CYFIP1: variants seen among roughly 807,000 people sequenced by gnomAD.
CYFIP1 encodes cytoplasmic FMR1 interacting protein 1.
In CYFIP1, 58 loss-of-function variants were observed where a neutral mutation model predicts 163.5. The ratio of observed to expected loss-of-function variants is 0.35; its 90% CI spans 0.29 to 0.44. The LOEUF (loss-of-function observed/expected upper bound fraction) is 0.44. CYFIP1 is among the 20% of genes least tolerant of loss of function. The pLI, the probability that CYFIP1 is intolerant of heterozygous loss-of-function variation, is 1.00. For missense variants in CYFIP1, 1,338 were observed against 1,653.8 expected, an observed-to-expected ratio of 0.81 and a Z score of 3.31; for synonymous variants, 663 against 660.7, an observed-to-expected ratio of 1.00 and a Z score of -0.05.
intron 30 of CYFIP1, 108 bp from the exon 31 acceptor site, chr15:22,870,300 G>A (rs1255402001): frequency 2.5e-5 from 34 of 1,350,480 alleles, no homozygotes; most frequent in Non-Finnish European, 3.2e-5. Context: ...AATAGCAAAC[G>A]GAATTGACAC....
At chr15:22,950,728 A>C (rs7171395) in intron 1 of CYFIP1, among the ~76,000 whole-genome samples, 132,411 of 152,292 alleles carry the variant, frequency 0.87, 57,729 homozygotes, top group Admixed American at 0.92. Flanking sequence ...AGCGTGTCCA[A>C]GCTGTATGTG....
rs114067351 is a variant in CYFIP1, at chr15:22,904,022, C to T, written c.2389-117G>A. 1.0e-3 allele frequency: 927 copies of T among 929,698 alleles called. 5 individuals carry two copies. The African/African-American group carries it at 0.013, about 13-fold the overall frequency. 57.6% of individuals were successfully genotyped at this position (929,698 alleles called of 1,614,324 possible). A position where few individuals can be genotyped will look rare whatever the true frequency, so the allele number is the denominator to read the frequency against. ...CCCTGGCAGGGCTGCACGGAGGCAG[C>T]CCCCAGTGAGCGTAGGCTCTGACAG... On this transcript the variant is annotated intron_variant, in intron 21 of 30. Transcript: ENST00000617928.
rs564352081 is a variant in CYFIP1, at chr15:22,873,810, G to A, written c.3211-81C>T. ...ACATCCTCTATGTCTCTTTTCTCTT[G>A]AGACAGGGTCTTGCTCTGCTGCCTA... On this transcript the variant is annotated intron_variant, in intron 28 of 30. Transcript: ENST00000617928. 2.4e-5 allele frequency: 30 copies of A among 1,258,414 alleles called. No individual in the cohort carries two copies. In the African/African-American group the frequency reaches 3.3e-4, roughly 14 times the overall value. 78.0% of individuals were successfully genotyped at this position (1,258,414 alleles called of 1,614,324 possible). A position where few individuals can be genotyped will look rare whatever the true frequency, so the allele number is the denominator to read the frequency against.
In CYFIP1 at chr15:22,910,511, C is replaced by T. The variant is rs1391975894; in HGVS notation, c.2268+9G>A. 1 of 1,611,362 alleles carries T rather than the reference C, an allele frequency of 6.2e-7. No homozygotes were observed. Among genetic ancestry groups the T allele is most frequent in the East Asian group, 2.2e-5 (1 of 44,862 alleles). ...TCTACGTCCCCACCACAGCCCGGCC[C>T]CAGCTCACCTGCACATGCCTCTGCT... is the stretch of plus-strand genomic sequence containing the variant. On this transcript the variant is annotated intron_variant, in intron 20 of 30. Coordinates refer to ENST00000617928, the MANE Select transcript of CYFIP1 (RefSeq NM_014608.6).
rs2061036049 is a variant in CYFIP1 at position 22,917,726 on chromosome 15, C to T, written c.1674+62G>A. ...ACCCGGGCCTCACCAGCCCCACCCG[C>T]TCACAGCTCAGGGTGGGTCCCCCCA... On this transcript the variant is annotated intron_variant, in intron 15 of 30. Transcript: ENST00000617928. The surrounding 1 kb of genome is among the most constrained non-coding windows in gnomAD (Gnocchi z 4.2). 1.3e-6 allele frequency: 2 copies of T among 1,510,902 alleles called. No homozygotes were observed. Among genetic ancestry groups the T allele is most frequent in the Non-Finnish European group, 1.8e-6 (2 of 1,131,202 alleles). 93.6% of individuals were successfully genotyped at this position (1,510,902 alleles called of 1,614,324 possible).
chr15:22,933,675 T>C, intron 10 of CYFIP1, 127 bp downstream of exon 10: 1 of 694,852 alleles, frequency 1.4e-6, no homozygotes, highest in Middle Eastern at 2.5e-4. Context: ...GCTGCAATAC[T>C]GGACATTTAA....
In CYFIP1 at chr15:22,873,603, G is replaced by C. The variant is rs764841743; in HGVS notation, c.3337C>G (p.Leu1113Val). The change falls in exon 29 of 31, where the codon CTG becomes GTG. Residue 1113 changes from leucine to valine, a missense_variant. By Grantham distance (32) the Leu-to-Val change is conservative (BLOSUM62 1). Around this residue, in one of 4 missense-constraint regions of CYFIP1, gnomAD observed 306 missense variants for 322.1 expected, o/e 0.95. Transcript: ENST00000617928. ...FLDDPIWRGP[L>V]PSNGVMHVDE... ...ACATGCATGACCCCATTGCTGGGCAGAGGCCCGCGCCAGATGGGGTCATCC... is the reference window on the plus strand; with the variant it reads ...ACATGCATGACCCCATTGCTGGGCACAGGCCCGCGCCAGATGGGGTCATCC... 6.2e-7 allele frequency: 1 copy of C among 1,614,130 alleles called. No individual in the cohort carries two copies. The highest frequency in any genetic ancestry group is 8.5e-7 in the Non-Finnish European group (1 of 1,180,050).
At chr15:22,980,129 C>A (rs1204792236) in intron 1 of CYFIP1, among the ~76,000 whole-genome samples, 158 bp downstream of exon 1, 1 of 126,348 alleles carries the variant, frequency 7.9e-6, no homozygotes, top group Non-Finnish European at 1.6e-5. Context: ...CCAGGACGAT[C>A]CCGGAGGCCG....
chr15:22,916,786 G>C, intron 15 of CYFIP1, 156 bp from the exon 16 acceptor site: 1 of 1,588,274 alleles, frequency 6.3e-7, no homozygotes, highest in Non-Finnish European at 8.6e-7. Flanking sequence ...GCCTGTCTAC[G>C]CGGCCACGTT....
chr15:22,904,774 G>A (rs17137192), intron 21 of CYFIP1: 23,654 of 152,002 alleles, frequency 0.16, 2,010 homozygotes, highest in African/African-American at 0.21. Context: ...AATTACGCTC[G>A]TAGAAAAAGG....
chr15:22,887,887 C>T (rs1262575764), intron 23 of CYFIP1, among the ~76,000 whole-genome samples: 1 of 152,164 alleles, frequency 6.6e-6, no homozygotes, highest in Non-Finnish European at 1.5e-5. Context: ...AGTCTCCAGC[C>T]TTGTTCGACA....
intron 9 of CYFIP1, among the ~76,000 whole-genome samples, chr15:22,935,415 G>C (rs566947159): frequency 8.3e-4 from 127 of 152,324 alleles, no homozygotes; most frequent in Non-Finnish European, 1.6e-3. Flanking sequence ...ACCACGCGCA[G>C]AAGTCAGTTC....
rs1299979500 is a variant in CYFIP1 at position 22,867,107 on chromosome 15, A to G, written c.*2921T>C. 4 of 486,386 alleles carry G rather than the reference A, an allele frequency of 8.2e-6. No individual in the cohort carries two copies. The highest frequency in any genetic ancestry group is 8.0e-5 in the African/African-American group (4 of 50,130). 30.1% of individuals were successfully genotyped at this position (486,386 alleles called of 1,614,324 possible). ...ATTTTACATTTTCATCCCTTCTCCA[A>G]AAGCCGAATGCACTAATGACAGTTT... is the stretch of plus-strand genomic sequence containing the variant. On this transcript the variant is annotated 3_prime_UTR_variant, in exon 31 of 31. Transcript: ENST00000617928.
intron 23 of CYFIP1, among the ~76,000 whole-genome samples, chr15:22,887,902 G>A (rs1018401846): frequency 6.6e-6 from 1 of 152,172 alleles, no homozygotes; most frequent in African/African-American, 2.4e-5. Flanking sequence ...TCGACAAGCA[G>A]AGAAGGTGGG....
At chr15:22,924,977 T>G (rs1395807843) in intron 13 of CYFIP1, among the ~76,000 whole-genome samples, 1 of 151,950 alleles carries the variant, frequency 6.6e-6, no homozygotes, top group Non-Finnish European at 1.5e-5. Context: ...GAGGCTGAGG[T>G]GGGAGGATTG....
intron 22 of CYFIP1, among the ~76,000 whole-genome samples, chr15:22,899,562 C>CTT (rs36046921): frequency 0.81 from 122,953 of 151,914 alleles, 49,886 homozygotes; most frequent in East Asian, 0.92. Context: ...AGCTCTCTCT[C>CTT]GTCTGCTGCC....
chr15:22,961,246 T>G (rs1457462898), intron 1 of CYFIP1, among the ~76,000 whole-genome samples: 3 of 152,108 alleles, frequency 2.0e-5, no homozygotes, highest in Non-Finnish European at 2.9e-5. Context: ...GGTCTCGAAC[T>G]CCTGACCTCA....
intron 13 of CYFIP1, among the ~76,000 whole-genome samples, chr15:22,923,967 A>AC (rs2061277013): frequency 6.7e-6 from 1 of 148,334 alleles, no homozygotes; most frequent in African/African-American, 2.5e-5. Context: ...AAAAAAAAAC[A>AC]AGAAAAAGAA....
At chr15:22,952,181 G>A (rs1302098493) in intron 1 of CYFIP1, among the ~76,000 whole-genome samples, 1 of 152,088 alleles carries the variant, frequency 6.6e-6, no homozygotes, top group Non-Finnish European at 1.5e-5. Context: ...TACCTAAAGT[G>A]GTCAAACTCA....
Sources: gnomAD v4.1 joint callset for allele counts (sites outside exome capture counted in the v4.1 genomes callset) on GRCh38, gnomAD v4.1.1 for gene constraint, gnomAD v4.1.1 regional missense constraint, Gnocchi (gnomAD v3.1) non-coding constraint, MANE v1.5 for transcripts, NCBI Gene and HGNC (gene_info 2026-07-23, HGNC 2026-07-21) for gene names.